NRG3: variants seen among roughly 807,000 people sequenced by gnomAD.
NRG3 encodes pro-neuregulin-3, membrane-bound isoform.
NRG3 carries 31 observed loss-of-function variants against 66.9 expected under a neutral mutation model. The ratio of observed to expected loss-of-function variants is 0.46; its 90% confidence interval spans 0.35 to 0.63. The LOEUF (loss-of-function observed/expected upper bound fraction) is 0.63. Ranked by LOEUF, NRG3 falls within the 20% of genes least tolerant of loss-of-function variation. The probability of loss-of-function intolerance (pLI) is 0.00; values close to 1 mark genes in which losing one functional copy is unlikely to be tolerated. For missense variants in NRG3, 910 were observed against 878.9 expected, an observed-to-expected ratio of 1.04 and a Z score of -0.45; for synonymous variants, 393 against 359.4, an observed-to-expected ratio of 1.09 and a Z score of -1.06.
intron 3 of NRG3, among the ~76,000 whole-genome samples, chr10:82,845,649 T>A (rs1591704383): frequency 6.6e-6 from 1 of 151,914 alleles, no homozygotes; most frequent in East Asian, 1.9e-4. Context: ...AGAAAATAAG[T>A]CAATGCAACA....
At chr10:82,343,088 C>G (rs538096966) in intron 1 of NRG3, among the ~76,000 whole-genome samples, 23 of 152,058 alleles carry the variant, frequency 1.5e-4, no homozygotes, top group Middle Eastern at 3.4e-3. Flanking sequence ...AGGTATGTGG[C>G]TTTATCAAAT....
chr10:82,848,747 G>C (rs993549479), intron 3 of NRG3, among the ~76,000 whole-genome samples: 5 of 152,152 alleles, frequency 3.3e-5, no homozygotes, highest in African/African-American at 1.2e-4. Flanking sequence ...CCCAGTGGGA[G>C]ACAATTGAAT....
intron 1 of NRG3, among the ~76,000 whole-genome samples, chr10:82,169,480 A>C (rs1362126061): frequency 6.6e-6 from 1 of 151,484 alleles, no homozygotes; most frequent in Admixed American, 6.6e-5. Context: ...AATTCTAAAA[A>C]TGTTCTTGTG....
At chr10:82,869,887 C>G (rs534177604) in intron 4 of NRG3, among the ~76,000 whole-genome samples, 1 of 151,624 alleles carries the variant, frequency 6.6e-6, no homozygotes, top group Admixed American at 6.6e-5. Flanking sequence ...GGATTACAGG[C>G]GTGAGCCACC....
chr10:82,556,419 T>G (rs2044655167), intron 2 of NRG3, among the ~76,000 whole-genome samples: 1 of 152,156 alleles, frequency 6.6e-6, no homozygotes, highest in Non-Finnish European at 1.5e-5. Flanking sequence ...TAGTTGCTAC[T>G]GGTAAGGACT....
intron 2 of NRG3, among the ~76,000 whole-genome samples, chr10:82,734,843 C>A (rs373724585): frequency 1.1e-4 from 17 of 151,652 alleles, no homozygotes; most frequent in Admixed American, 2.0e-4. Context: ...CCTAGCAAAA[C>A]CCCCCTCTAC....
At chr10:82,564,779 T>A (rs1173274082) in intron 2 of NRG3, among the ~76,000 whole-genome samples, 1 of 152,086 alleles carries the variant, frequency 6.6e-6, no homozygotes, top group Non-Finnish European at 1.5e-5. Context: ...AATATGGCAA[T>A]TATTTCTTTG....
chr10:82,473,613 G>C (rs888581075), intron 2 of NRG3, among the ~76,000 whole-genome samples: 1 of 152,124 alleles, frequency 6.6e-6, no homozygotes, highest in Non-Finnish European at 1.5e-5. Flanking sequence ...GAGCTTTGTG[G>C]CATTTTCACT....
intron 2 of NRG3, among the ~76,000 whole-genome samples, chr10:82,706,782 T>C (rs1021124275): frequency 6.6e-6 from 1 of 152,020 alleles, no homozygotes; most frequent in African/African-American, 2.4e-5. Context: ...TCACTTGATG[T>C]CAGGGGTTCA....
chr10:82,159,686 G>C (rs2071435591), intron 1 of NRG3, among the ~76,000 whole-genome samples: 1 of 151,798 alleles, frequency 6.6e-6, no homozygotes, highest in Non-Finnish European at 1.5e-5. Flanking sequence ...ATAGCATCAG[G>C]CTTCATCCCT....
intron 1 of NRG3, among the ~76,000 whole-genome samples, chr10:82,299,217 G>A (rs182343171): frequency 6.6e-6 from 1 of 152,276 alleles, no homozygotes; most frequent in East Asian, 1.9e-4. Flanking sequence ...GAGGGCTGAT[G>A]TTCCCTGAGG....
At chr10:82,175,099 A>T (rs1025285526) in intron 1 of NRG3, among the ~76,000 whole-genome samples, 2 of 152,090 alleles carry the variant, frequency 1.3e-5, no homozygotes, top group African/African-American at 2.4e-5. Flanking sequence ...AACATTAGGG[A>T]CATTAAGACC....
At chr10:82,360,883 A>G (rs1054000915) in intron 2 of NRG3, among the ~76,000 whole-genome samples, 17 of 152,126 alleles carry the variant, frequency 1.1e-4, no homozygotes, top group Non-Finnish European at 2.1e-4. Context: ...TAGATGGTCA[A>G]GGAGATGTAT....
chr10:82,495,969 A>T (rs773514967), intron 2 of NRG3, among the ~76,000 whole-genome samples: 13 of 152,092 alleles, frequency 8.5e-5, no homozygotes, highest in Non-Finnish European at 1.5e-4. Flanking sequence ...AATTAATAAG[A>T]TTTTATTTTT....
chr10:82,360,716 G>A (rs1454137479), intron 2 of NRG3, among the ~76,000 whole-genome samples: 1 of 152,150 alleles, frequency 6.6e-6, no homozygotes, highest in East Asian at 1.9e-4. Flanking sequence ...CAGTCCCGGA[G>A]GTCAGAATTC....
At chr10:82,037,935 G>T (rs1202734106) in intron 1 of NRG3, among the ~76,000 whole-genome samples, 1 of 151,652 alleles carries the variant, frequency 6.6e-6, no homozygotes, top group Non-Finnish European at 1.5e-5. Flanking sequence ...GCTCATGAAT[G>T]CCTCAAAAGT....
At chr10:82,559,076 C>A (rs2044853448) in intron 2 of NRG3, among the ~76,000 whole-genome samples, 1 of 152,064 alleles carries the variant, frequency 6.6e-6, no homozygotes, top group Admixed American at 6.6e-5. Flanking sequence ...TGTATGCATG[C>A]ATAAAATTTC....
In NRG3 at chr10:82,173,674, A is replaced by AACACACACACACACAC. The variant is rs3037392; in HGVS notation, c.824-185050_824-185035dup. 9.1e-3 allele frequency among the ~76,000 whole-genome samples: 1,331 copies of AACACACACACACACAC among 146,590 alleles called. 14 individuals are homozygous for AACACACACACACACAC. Among genetic ancestry groups the AACACACACACACACAC allele is most frequent in the Non-Finnish European group, 0.014 (919 of 66,548 alleles). On this transcript the variant is annotated intron_variant, in intron 1 of 8. Transcript: ENST00000372141. The stretch of plus-strand genomic sequence containing the variant: ...ACACACAGAGATGTATGCATATGTG[A>AACACACACACACACAC]ACACACACACACACACACACACACA...
At chr10:82,564,234 A>T (rs1384628221) in intron 2 of NRG3, among the ~76,000 whole-genome samples, 2 of 152,184 alleles carry the variant, frequency 1.3e-5, no homozygotes, top group African/African-American at 4.8e-5. Flanking sequence ...GGAAATAAAA[A>T]GTGTGAATGC....
Sources: allele counts gnomAD v4.1 joint callset (sites outside exome capture counted in the v4.1 genomes callset), GRCh38; gene constraint gnomAD v4.1.1; transcripts MANE v1.5; gene names NCBI Gene and HGNC (gene_info 2026-07-23, HGNC 2026-07-21).